The following ESPNL variants were observed in gnomAD, a reference collection of about 807,000 sequenced individuals.
ESPNL encodes the protein espin like.
A neutral mutation model predicts 46.8 loss-of-function variants in ESPNL; 49 were observed. That is an observed-to-expected ratio of 1.05 (90% CI 0.83 to 1.33). The LOEUF (loss-of-function observed/expected upper bound fraction) is 1.33. Among genes scored for constraint, ESPNL ranks in the 40% most tolerant of loss-of-function variants. The pLI is 0.00. For synonymous variants in ESPNL, 664 were observed against 662.1 expected, an observed-to-expected ratio of 1.00 and a Z score of -0.04; for missense variants, 1,540 against 1,436.6, an observed-to-expected ratio of 1.07 and a Z score of -1.16.
chr2:238,119,328 G>T (rs1365698130), intron 5 of ESPNL, among the ~76,000 whole-genome samples: 1 of 144,346 alleles, frequency 6.9e-6, no homozygotes, highest in Admixed American at 6.7e-5. Context: ...GGATGGAGGA[G>T]GTGGATGGAG....
In ESPNL at chr2:238,118,898, C is replaced by T. The variant is rs148102555; in HGVS notation, c.987+1864C>T. On this transcript the variant is annotated intron_variant, in intron 5 of 8. Transcript: ENST00000343063. ...AGGAGAAATGGATGAAAGAGTTGGA[C>T]GGAGGAGGTGGATGGAGGAGGGTTA... Among the ~76,000 whole-genome samples, 188 of 65,820 alleles carry T rather than the reference C, an allele frequency of 2.9e-3. 7 individuals are homozygous for T. The highest frequency in any genetic ancestry group is 3.3e-3 in the Non-Finnish European group (117 of 35,852). The allele number at this position is 65,820 out of a possible 152,430, so 43.2% of individuals were successfully genotyped here.
chr2:238,111,329 G>A (rs569586701), intron 4 of ESPNL, among the ~76,000 whole-genome samples: 7 of 151,834 alleles, frequency 4.6e-5, no homozygotes, highest in Admixed American at 2.0e-4. Context: ...AGCCATTTTC[G>A]AGCACACACT....
intron 4 of ESPNL, among the ~76,000 whole-genome samples, chr2:238,112,472 A>G (rs2106468264): frequency 1.5e-5 from 1 of 68,202 alleles, no homozygotes; most frequent in East Asian, 4.0e-4. Flanking sequence ...AACTTATTCA[A>G]GGTCCTCCAA....
chr2:238,115,354 C>G (rs1029311887), intron 4 of ESPNL, among the ~76,000 whole-genome samples: 1 of 152,174 alleles, frequency 6.6e-6, no homozygotes, highest in Non-Finnish European at 1.5e-5. Context: ...AGGTGAGTGT[C>G]GGTAGGGGCC....
At chr2:238,115,315 G>A (rs975511958) in intron 4 of ESPNL, among the ~76,000 whole-genome samples, 1 of 152,208 alleles carries the variant, frequency 6.6e-6, no homozygotes, top group African/African-American at 2.4e-5. Context: ...ACTCGCCCTC[G>A]AGGTCTCAAG....
In ESPNL at chr2:238,131,821, G is replaced by C; in HGVS notation, c.*89G>C. 1 of 1,431,026 alleles carries C rather than the reference G, an allele frequency of 7.0e-7. No individual in the cohort carries two copies. Among genetic ancestry groups the C allele is most frequent in the Non-Finnish European group, 9.5e-7 (1 of 1,054,608 alleles). The allele number at this position is 1,431,026 out of a possible 1,614,324, so 88.6% of individuals were successfully genotyped here. A position where few individuals can be genotyped will look rare whatever the true frequency, so the allele number is the denominator to read the frequency against. ...TCCTTGCTCACACCCTTGGTGTTCA[G>C]GTGAGCCGGGCAAGGCTGCCTCCAG... On this transcript the variant is annotated 3_prime_UTR_variant, in exon 9 of 9. Coordinates refer to ENST00000343063, the MANE Select transcript of ESPNL (RefSeq NM_194312.4).
At chr2:238,107,545 G>A (rs1691622618) in intron 3 of ESPNL, among the ~76,000 whole-genome samples, 1 of 151,874 alleles carries the variant, frequency 6.6e-6, no homozygotes, top group Non-Finnish European at 1.5e-5. Context: ...TCAGATTTGG[G>A]ACCATGGTGT....
Position 238,125,340 on chromosome 2 carries a change from T to G in ESPNL, c.1058T>G (p.Leu353Arg), listed in dbSNP as rs1286290955. ...PPPLLATRRS[L>R]EDGRRGGPGP... ...CCACTGTTGGCCACGAGGCGCTCCC[T>G]GGAGGATGGAAGAAGAGGAGGCCCA... Residue 353 changes from leucine (L) to arginine (R), a missense_variant, in exon 6 of 9, where the codon CTG becomes CGG. By Grantham distance (102) the Leu-to-Arg change is moderately radical (BLOSUM62 -2). Transcript: ENST00000343063. The G allele has an allele frequency of 6.4e-7, 1 of 1,574,332 alleles. No homozygotes were observed. The highest frequency in any genetic ancestry group is 8.6e-7 in the Non-Finnish European group (1 of 1,160,396).
rs1291188221 is a variant in ESPNL at position 238,131,758 on chromosome 2, A to T, written c.*26A>T. The T allele has an allele frequency of 1.3e-6, 2 of 1,555,994 alleles. No individual in the cohort carries two copies. The highest frequency in any genetic ancestry group is 2.7e-5 in the African/African-American group (2 of 73,370). ...CCCTACTGGCAGCCTGCTTTCCAGAATGTGGTTTGGGGGTGACTTGGAGTT... is the reference window on the plus strand; with the variant it reads ...CCCTACTGGCAGCCTGCTTTCCAGATTGTGGTTTGGGGGTGACTTGGAGTT... On this transcript the variant is annotated 3_prime_UTR_variant, in exon 9 of 9. Coordinates refer to ENST00000343063, the MANE Select transcript of ESPNL (RefSeq NM_194312.4).
At chr2:238,107,283 G>A (rs1037358483) in intron 3 of ESPNL, among the ~76,000 whole-genome samples, 2 of 152,222 alleles carry the variant, frequency 1.3e-5, no homozygotes, top group African/African-American at 4.8e-5. Context: ...TCGCTCCAGC[G>A]GTGGTGGCCG....
At position 238,124,899 on chromosome 2, in the gene ESPNL, G is replaced by A. The variant is rs116025296; in HGVS notation, c.988-371G>A. Among the ~76,000 whole-genome samples the A allele has an allele frequency of 7.9e-3, 1,206 of 152,280 alleles. 5 individuals are homozygous for A. Among genetic ancestry groups the A allele is most frequent in the Non-Finnish European group, 0.013 (909 of 68,012 alleles). On this transcript the variant is annotated intron_variant, in intron 5 of 8. Coordinates refer to ENST00000343063, the MANE Select transcript of ESPNL (RefSeq NM_194312.4). ...TGCATATGTGTGCACATGTCTTTGT[G>A]AGACCACAGGGCGCTGGGCACAGCT... is the stretch of plus-strand genomic sequence containing the variant.
intron 4 of ESPNL, 76 bp from the exon 5 acceptor site, chr2:238,116,827 C>T (rs544999271): frequency 2.6e-6 from 4 of 1,526,362 alleles, no homozygotes; most frequent in East Asian, 4.6e-5. Flanking sequence ...GGCAGGGGAG[C>T]GGCCCGCACA....
intron 2 of ESPNL, 56 bp from the exon 3 acceptor site, chr2:238,104,600 G>A: frequency 6.7e-7 from 1 of 1,487,854 alleles, no homozygotes; most frequent in Non-Finnish European, 9.0e-7. Flanking sequence ...AAGCAGCCGA[G>A]GGATGGGCTC....
At chr2:238,128,937 G>A in intron 8 of ESPNL, 33 bp downstream of exon 8, 1 of 1,517,508 alleles carries the variant, frequency 6.6e-7, no homozygotes, top group Non-Finnish European at 8.8e-7. Context: ...ACCAGTGGGC[G>A]GGGCGGGGCC....
At chr2:238,117,878 G>T (rs1691851801) in intron 5 of ESPNL, among the ~76,000 whole-genome samples, 2 of 152,164 alleles carry the variant, frequency 1.3e-5, no homozygotes, top group Admixed American at 6.5e-5. Flanking sequence ...ATGGAGGGGG[G>T]AGAGCTCTGG....
Position 238,131,600 on chromosome 2 carries a change from GC to G in ESPNL, c.2889del (p.Thr964GlnfsTer119). On this transcript the variant is annotated frameshift_variant, in exon 9 of 9. Coordinates refer to ENST00000343063, the MANE Select transcript of ESPNL (RefSeq NM_194312.4). LOFTEE classifies it high-confidence loss of function. The part of the protein sequence containing the change: ...HAAVPCSGPE[P>X]TAQRLGSRSQ... Reference sequence around the variant, plus strand: ...CCGCCGTCCCCTGCAGCGGCCCTGAGCCCACAGCACAGCGGCTGGGGTCCCG... The same window carrying G: ...CCGCCGTCCCCTGCAGCGGCCCTGAGCCACAGCACAGCGGCTGGGGTCCCG... The G allele has an allele frequency of 1.2e-6, 2 of 1,611,846 alleles. No individual in the cohort carries two copies. The highest frequency in any genetic ancestry group is 4.5e-5 in the East Asian group (2 of 44,826).
chr2:238,118,979 T>G (rs1424434535), intron 5 of ESPNL, among the ~76,000 whole-genome samples: 94 of 57,878 alleles, frequency 1.6e-3, no homozygotes, highest in Middle Eastern at 0.018. Context: ...GGAGGAGGGT[T>G]AATGGAGGAG....
Position 238,104,745 on chromosome 2 carries a change from A to G in ESPNL, c.575A>G (p.Lys192Arg), listed in dbSNP as rs775396132. The G allele has an allele frequency of 1.2e-6, 2 of 1,608,072 alleles. No homozygotes were observed. The highest frequency in any genetic ancestry group is 4.5e-5 in the East Asian group (2 of 44,666). ...CTGCACCTGGCCCAGTTCCTGGTGA[A>G]GGACTGTGGCGCTGACGTGCACCTT... ...GHLHLAQFLV[K>R]DCGADVHLRA... Residue 192 changes from lysine (K) to arginine (R), a missense_variant, in exon 3 of 9, where the codon AAG (lysine) becomes AGG (arginine). Lys to Arg is a conservative substitution (Grantham distance 26). Coordinates refer to ENST00000343063, the MANE Select transcript of ESPNL (RefSeq NM_194312.4).
chr2:238,127,537 T>C (rs1285731317), intron 6 of ESPNL, 85 bp from the exon 7 acceptor site: 11 of 1,482,506 alleles, frequency 7.4e-6, no homozygotes, highest in Non-Finnish European at 9.9e-6. Flanking sequence ...AGGTCAGCTC[T>C]GCCCCCAGGG....
Sources: allele counts gnomAD v4.1 joint callset (sites outside exome capture counted in the v4.1 genomes callset), GRCh38; gene constraint gnomAD v4.1.1; transcripts MANE v1.5; gene names NCBI Gene and HGNC (gene_info 2026-07-23, HGNC 2026-07-21).